The following NCOA2 variants were observed in gnomAD, a reference collection of about 807,000 sequenced individuals.
NCOA2 encodes the protein nuclear receptor coactivator 2, also known as class E basic helix-loop-helix protein 75.
Under a neutral mutation model 145.1 loss-of-function variants are expected in NCOA2, and 21 were observed. The ratio of observed to expected loss-of-function variants is 0.14; its 90% CI spans 0.10 to 0.21. The LOEUF (loss-of-function observed/expected upper bound fraction) is 0.21, where lower values mean the gene tolerates loss of function less well. NCOA2 is among the 10% of genes least tolerant of loss of function. The probability of loss-of-function intolerance (pLI) is 1.00; values close to 1 mark genes in which losing one functional copy is unlikely to be tolerated. For missense variants in NCOA2, 1,472 were observed against 1,837.6 expected, an observed-to-expected ratio of 0.80 and a Z score of 3.64; for synonymous variants, 619 against 637.5, an observed-to-expected ratio of 0.97 and a Z score of 0.44.
chr8:70,399,683 T>C (rs1814038898), intron 1 of NCOA2, among the ~76,000 whole-genome samples: 2 of 152,262 alleles, frequency 1.3e-5, no homozygotes, highest in Admixed American at 6.5e-5. Flanking sequence ...ACTTGGCTTT[T>C]AAATATAACT....
chr8:70,414,951 G>A, the NCOA2 span, among the ~76,000 whole-genome samples: 6 of 152,144 alleles, frequency 3.9e-5, no homozygotes, highest in East Asian at 9.7e-4. Flanking sequence ...AAAAAAGATA[G>A]GGTATGTTTC....
intron 1 of NCOA2, among the ~76,000 whole-genome samples, chr8:70,345,096 A>G (rs1033444026): frequency 6.6e-6 from 1 of 152,208 alleles, no homozygotes; most frequent in Admixed American, 6.5e-5. Context: ...CACATCTGAA[A>G]AGTTAAATTA....
At chr8:70,309,344 C>T (rs1246212157) in intron 1 of NCOA2, among the ~76,000 whole-genome samples, 1 of 150,616 alleles carries the variant, frequency 6.6e-6, no homozygotes, top group Non-Finnish European at 1.5e-5. Context: ...AATGAATCGC[C>T]TTTCATAAAT....
At chr8:70,274,186 T>A (rs1825291689) in intron 2 of NCOA2, among the ~76,000 whole-genome samples, 1 of 148,774 alleles carries the variant, frequency 6.7e-6, no homozygotes, top group Non-Finnish European at 1.5e-5. Context: ...ACACAGGTGG[T>A]ATAAAGTTCT....
At chr8:70,190,314 T>C (rs1231720139) in intron 4 of NCOA2, among the ~76,000 whole-genome samples, 1 of 152,190 alleles carries the variant, frequency 6.6e-6, no homozygotes, top group African/African-American at 2.4e-5. Flanking sequence ...ATCATGGAAC[T>C]ACAAAAGCAT....
chr8:70,283,069 G>C (rs1262409315), intron 2 of NCOA2, among the ~76,000 whole-genome samples: 1 of 152,204 alleles, frequency 6.6e-6, no homozygotes, highest in Non-Finnish European at 1.5e-5. Flanking sequence ...CCAGGACTCT[G>C]GTTCATGCTG....
Position 70,361,576 on chromosome 8 carries a change from T to C in NCOA2, c.-77+42124A>G, listed in dbSNP as rs550967510. Among the ~76,000 whole-genome samples the C allele has an allele frequency of 3.9e-5, 6 of 152,350 alleles. No homozygotes were observed. The East Asian group carries it at 9.6e-4, about 24-fold the overall frequency. On this transcript the variant is annotated intron_variant, in intron 1 of 22. Coordinates refer to ENST00000452400, the MANE Select transcript of NCOA2 (RefSeq NM_006540.4). ...TAGATGTTTACATATTCTAACTCTTTAATATGCATAAAAATGAGGACATTT... is the reference window on the plus strand; with the variant it reads ...TAGATGTTTACATATTCTAACTCTTCAATATGCATAAAAATGAGGACATTT...
chr8:70,188,662 GA>G (rs1041544158), intron 4 of NCOA2, among the ~76,000 whole-genome samples: 2 of 152,032 alleles, frequency 1.3e-5, no homozygotes, highest in African/African-American at 4.8e-5. Flanking sequence ...AAAAAAACCT[GA>G]AATCATTTCA....
intron 1 of NCOA2, among the ~76,000 whole-genome samples, chr8:70,327,159 G>C (rs1586501594): frequency 6.6e-6 from 1 of 152,136 alleles, no homozygotes; most frequent in African/African-American, 2.4e-5. Flanking sequence ...TTAAAACATA[G>C]GCACACATGA....
chr8:70,299,525 CAT>C (rs1281106553), intron 1 of NCOA2, among the ~76,000 whole-genome samples: 16 of 152,048 alleles, frequency 1.1e-4, no homozygotes, highest in African/African-American at 3.9e-4. Context: ...AAATGGGCAA[CAT>C]ATTCTGCAAC....
intron 2 of NCOA2, among the ~76,000 whole-genome samples, chr8:70,284,428 A>C (rs1194329230): frequency 1.3e-5 from 2 of 152,214 alleles, no homozygotes; most frequent in Non-Finnish European, 2.9e-5. Flanking sequence ...TCAAGAGAGC[A>C]ATGTCCTAGA....
chr8:70,363,984 A>G (rs1183020798), intron 1 of NCOA2, among the ~76,000 whole-genome samples: 2 of 152,028 alleles, frequency 1.3e-5, no homozygotes, highest in Non-Finnish European at 2.9e-5. Flanking sequence ...CTTGAATGCT[A>G]TATGCAGTAC....
chr8:70,190,189 G>A (rs1816527418), intron 4 of NCOA2, among the ~76,000 whole-genome samples: 2 of 152,100 alleles, frequency 1.3e-5, no homozygotes, highest in Admixed American at 1.3e-4. Flanking sequence ...AAGGAAATTA[G>A]ACTTACAAAT....
At chr8:70,131,784 C>A in intron 16 of NCOA2, 53 bp downstream of exon 16, 1 of 1,541,330 alleles carries the variant, frequency 6.5e-7, no homozygotes. Context: ...AAAATGGACA[C>A]CTCTGCGCCC....
chr8:70,196,662 A>G (rs1012753171), intron 4 of NCOA2, among the ~76,000 whole-genome samples: 1 of 152,242 alleles, frequency 6.6e-6, no homozygotes, highest in African/African-American at 2.4e-5. Flanking sequence ...ATGTGTTAAA[A>G]CTACCTCTAA....
chr8:70,183,443 T>C (rs950906709), intron 4 of NCOA2, among the ~76,000 whole-genome samples: 2 of 152,244 alleles, frequency 1.3e-5, no homozygotes, highest in Non-Finnish European at 2.9e-5. Context: ...ATTTAAAAAG[T>C]TGTTTATAAA....
chr8:70,357,323 T>C (rs985777406), intron 1 of NCOA2: 14 of 152,190 alleles, frequency 9.2e-5, no homozygotes, highest in Non-Finnish European at 2.9e-5. Flanking sequence ...TTTTTTTTTT[T>C]TTACACTGAA....
Position 70,148,328 on chromosome 8 carries a change from G to C in NCOA2, c.2550C>G (p.Asn850Lys). 6.2e-7 allele frequency: 1 copy of C among 1,614,026 alleles called. No homozygotes were observed. The highest frequency in any genetic ancestry group is 1.3e-5 in the African/African-American group (1 of 75,048). Reference protein sequence around the residue: ...INDLMQLTAENSPVTPVGAQK... With the variant: ...INDLMQLTAEKSPVTPVGAQK... ...GGGCTCCAACAGGTGTGACAGGGCT[G>C]TTTTCAGCTGTGAGTTGCATGAGGT... Residue 850 changes from asparagine (N) to lysine (K), a missense_variant, in exon 12 of 23, where the codon AAC (asparagine) becomes AAG (lysine). Physicochemically the swap from Asn to Lys is moderately conservative, Grantham distance 94. This residue lies in a region of NCOA2 where 953 missense variants were observed against 1,062.1 expected (regional missense o/e 0.90). Coordinates refer to ENST00000452400, the MANE Select transcript of NCOA2 (RefSeq NM_006540.4).
intron 1 of NCOA2, among the ~76,000 whole-genome samples, chr8:70,374,219 C>A (rs1811466122): frequency 6.6e-6 from 1 of 152,120 alleles, no homozygotes. Flanking sequence ...CGCCTATAAT[C>A]CCACCACTTT....
Sources: allele counts gnomAD v4.1 joint callset (sites outside exome capture counted in the v4.1 genomes callset), GRCh38; gene constraint gnomAD v4.1.1; regional missense constraint gnomAD v4.1.1; transcripts MANE v1.5; gene names NCBI Gene and HGNC (gene_info 2026-07-23, HGNC 2026-07-21).